Variants in MAP3K4 observed in about 807,000 individuals in gnomAD.
The protein encoded by MAP3K4 is mitogen-activated protein kinase kinase kinase 4.
A neutral mutation model predicts 185.6 loss-of-function variants in MAP3K4; 67 were observed. The observed-to-expected ratio is 0.36, with a 90% CI of 0.30 to 0.44. The LOEUF is 0.44. Among genes scored for constraint, MAP3K4 ranks in the 20% least tolerant of loss-of-function variants. The pLI is 1.00. For synonymous variants in MAP3K4, 702 were observed against 710.4 expected (o/e 0.99, Z 0.19); for missense variants, 1,551 against 1,995.1 (o/e 0.78, Z 4.24).
In MAP3K4 at chr6:161,087,927, G is replaced by A. The variant is rs895308678; in HGVS notation, c.2796G>A (p.Glu932=). The A allele has an allele frequency of 1.2e-6, 2 of 1,613,842 alleles. No individual in the cohort carries two copies. The highest frequency in any genetic ancestry group is 1.3e-5 in the African/African-American group (1 of 75,032). Residue 932 remains glutamate, a synonymous_variant, in exon 10 of 27, where the codon GAG becomes GAA. Transcript: ENST00000392142. This position sits in a 1 kb window ranked among gnomAD's most constrained non-coding sequence, Gnocchi z 4.9. ...AQPVKVVPQV[E]TVDTLRSMQV... ...CTGTCAAAGTCGTGCCTCAGGTGGA[G>A]ACTGTTGACACCCTGAGAAGCATGC...
Position 161,091,192 on chromosome 6 carries a change from T to C in MAP3K4, c.2974-187T>C, listed in dbSNP as rs1437222086. Among the ~76,000 whole-genome samples, 1 of 152,222 alleles carries C rather than the reference T, an allele frequency of 6.6e-6. No individual in the cohort carries two copies. Among genetic ancestry groups the C allele is most frequent in the African/African-American group, 2.4e-5 (1 of 41,462 alleles). On this transcript the variant is annotated intron_variant, in intron 11 of 26. Transcript: ENST00000392142. This position sits in a 1 kb window ranked among gnomAD's most constrained non-coding sequence, Gnocchi z 5.5. ...GTATCATTTTAAATGCATTTTTTTCTCTTCTATTTAAGAATGCCAAATAAA... is the reference window on the plus strand; with the variant it reads ...GTATCATTTTAAATGCATTTTTTTCCCTTCTATTTAAGAATGCCAAATAAA...
rs956202495 is a variant in MAP3K4, at chr6:161,077,847, C to A, written c.2098-3034C>A. ...TTGAAAGCCCTCAGGCTTGACTTTG[C>A]AAACTAAGGGAAAGAGATGGGAAAA... is the stretch of plus-strand genomic sequence containing the variant. On this transcript the variant is annotated intron_variant, in intron 5 of 26. Coordinates refer to ENST00000392142, the MANE Select transcript of MAP3K4 (RefSeq NM_005922.4). This position sits in a 1 kb window ranked among gnomAD's most constrained non-coding sequence, Gnocchi z 4.3. Among the ~76,000 whole-genome samples, 7 of 151,908 alleles carry A rather than the reference C, an allele frequency of 4.6e-5. No individual in the cohort carries two copies. The highest frequency in any genetic ancestry group is 1.7e-4 in the African/African-American group (7 of 41,330).
rs754716151 is a variant in MAP3K4 at position 161,106,671 on chromosome 6, G to A, written c.4014G>A (p.Lys1338=). 19 of 1,611,296 alleles carry A rather than the reference G, an allele frequency of 1.2e-5. No individual in the cohort carries two copies. The highest frequency in any genetic ancestry group is 1.6e-4 in the Middle Eastern group (1 of 6,062). Residue 1338 remains lysine (K), a synonymous_variant, in exon 20 of 27, where the codon AAG becomes AAA. Coordinates refer to ENST00000392142, the MANE Select transcript of MAP3K4 (RefSeq NM_005922.4). The surrounding 1 kb of genome is among the most constrained non-coding windows in gnomAD (Gnocchi z 4.9). ...YDNVMHVGLR[K]VTFKWQRGNK... is the part of the protein sequence containing the mutation. ...ATGTTATGCACGTTGGCTTGAGGAA[G>A]GTGACCTTCAAATGGCAAAGAGGAA...
rs938941548 is a variant in MAP3K4 at position 161,048,558 on chromosome 6, G to A, written c.344-58G>A. On this transcript the variant is annotated intron_variant, in intron 2 of 26. Transcript: ENST00000392142. This position sits in a 1 kb window ranked among gnomAD's most constrained non-coding sequence, Gnocchi z 4.7. ...GAATACCAGTTTTATTGAAAATATTGAGAGTAGCTTCATATTTTAGAGTTA... is the reference window on the plus strand; with the variant it reads ...GAATACCAGTTTTATTGAAAATATTAAGAGTAGCTTCATATTTTAGAGTTA... 8.9e-7 allele frequency: 1 copy of A among 1,123,824 alleles called. No homozygotes were observed. The highest frequency in any genetic ancestry group is 2.6e-5 in the East Asian group (1 of 38,424). The allele number at this position is 1,123,824 out of a possible 1,614,324, so 69.6% of individuals were successfully genotyped here. A position where few individuals can be genotyped will look rare whatever the true frequency, so the allele number is the denominator to read the frequency against.
Position 161,109,095 on chromosome 6 carries a change from C to T in MAP3K4, c.4236+236C>T. 1 of 1,247,796 alleles carries T rather than the reference C, an allele frequency of 8.0e-7. No individual in the cohort carries two copies. The highest frequency in any genetic ancestry group is 1.1e-6 in the Non-Finnish European group (1 of 892,368). The allele number at this position is 1,247,796 out of a possible 1,614,324, so 77.3% of individuals were successfully genotyped here. A position where few individuals can be genotyped will look rare whatever the true frequency, so the allele number is the denominator to read the frequency against. ...GACATCATAAAGCACTGAAACCCAT[C>T]CTGCCATTCAGAAGATTCTTCTAAA... On this transcript the variant is annotated intron_variant, in intron 22 of 26. Transcript: ENST00000392142. This position sits in a 1 kb window ranked among gnomAD's most constrained non-coding sequence, Gnocchi z 5.7.
rs547561295 is a variant in MAP3K4 at position 161,084,462 on chromosome 6, G to A, written c.2256-39G>A. ...AAGAATTAGGCTATGAGTAGGGACAGTTTTCTTCTCTGTTTTATTTTTATT... is the reference window on the plus strand; with the variant it reads ...AAGAATTAGGCTATGAGTAGGGACAATTTTCTTCTCTGTTTTATTTTTATT... On this transcript the variant is annotated intron_variant, in intron 6 of 26. Coordinates refer to ENST00000392142, the MANE Select transcript of MAP3K4 (RefSeq NM_005922.4). This position sits in a 1 kb window ranked among gnomAD's most constrained non-coding sequence, Gnocchi z 4.6. The A allele has an allele frequency of 1.0e-6, 1 of 994,830 alleles. No homozygotes were observed. The highest frequency in any genetic ancestry group is 1.7e-5 in the Admixed American group (1 of 59,142). The allele number at this position is 994,830 out of a possible 1,614,324, so 61.6% of individuals were successfully genotyped here. A position where few individuals can be genotyped will look rare whatever the true frequency, so the allele number is the denominator to read the frequency against.
chr6:161,115,391 A>G lies in MAP3K4; in HGVS notation c.4806+89A>G. On this transcript the variant is annotated intron_variant, in intron 26 of 26. Transcript: ENST00000392142. This position sits in a 1 kb window ranked among gnomAD's most constrained non-coding sequence, Gnocchi z 6.0. ...ACGTTAATGAAATTTTGAAACTTTA[A>G]AGTAGCTATATCTGAAGTGGAAAGG... The G allele has an allele frequency of 7.8e-7, 1 of 1,274,960 alleles. No homozygotes were observed. The highest frequency in any genetic ancestry group is 2.4e-5 in the East Asian group (1 of 41,824). The allele number at this position is 1,274,960 out of a possible 1,614,324, so 79.0% of individuals were successfully genotyped here. A position where few individuals can be genotyped will look rare whatever the true frequency, so the allele number is the denominator to read the frequency against.
rs1783585887 is a variant in MAP3K4, at chr6:161,043,543, G to A, written c.344-5073G>A. On this transcript the variant is annotated intron_variant, in intron 2 of 26. Transcript: ENST00000392142. The surrounding 1 kb of genome is among the most constrained non-coding windows in gnomAD (Gnocchi z 4.3). ...GGACCCCTGTTCTGACATTAACCATGTGTCTAACCATCTGTGTTCTGTGAT... is the reference window on the plus strand; with the variant it reads ...GGACCCCTGTTCTGACATTAACCATATGTCTAACCATCTGTGTTCTGTGAT... 6.6e-6 allele frequency among the ~76,000 whole-genome samples: 1 copy of A among 152,128 alleles called. No individual in the cohort carries two copies. The highest frequency in any genetic ancestry group is 2.4e-5 in the African/African-American group (1 of 41,428).
At chr6:161,105,361 G>T (rs930363155) in intron 19 of MAP3K4, among the ~76,000 whole-genome samples, 6 of 152,212 alleles carry the variant, frequency 3.9e-5, no homozygotes, top group African/African-American at 1.4e-4. Context: ...ATTATTTCAT[G>T]AAATCCTCAC....
chr6:161,082,290 A>G lies in MAP3K4; in HGVS notation c.2255+1252A>G, dbSNP rs957547976. On this transcript the variant is annotated intron_variant, in intron 6 of 26. Coordinates refer to ENST00000392142, the MANE Select transcript of MAP3K4 (RefSeq NM_005922.4). This position sits in a 1 kb window ranked among gnomAD's most constrained non-coding sequence, Gnocchi z 4.2. ...ACTTTTCCATGATTCTGCTTTGCCTAATTCCTTCTGTTTGCATTTTCTGTT... is the reference window on the plus strand; with the variant it reads ...ACTTTTCCATGATTCTGCTTTGCCTGATTCCTTCTGTTTGCATTTTCTGTT... Among the ~76,000 whole-genome samples, 14 of 151,802 alleles carry G rather than the reference A, an allele frequency of 9.2e-5. No homozygotes were observed. Among genetic ancestry groups the G allele is most frequent in the African/African-American group, 3.4e-4 (14 of 41,288 alleles).
chr6:161,098,585 G>T lies in MAP3K4; in HGVS notation c.3674+158G>T, dbSNP rs1429415089. ...CTTCCGCAGGTTGTCACGGCCCAGAGGCTCTGGCACTGACCAACACGAATG... is the reference window on the plus strand; with the variant it reads ...CTTCCGCAGGTTGTCACGGCCCAGATGCTCTGGCACTGACCAACACGAATG... On this transcript the variant is annotated intron_variant, in intron 17 of 26. Transcript: ENST00000392142. This position sits in a 1 kb window ranked among gnomAD's most constrained non-coding sequence, Gnocchi z 4.4. 6.6e-6 allele frequency among the ~76,000 whole-genome samples: 1 copy of T among 152,242 alleles called. No homozygotes were observed. The highest frequency in any genetic ancestry group is 1.5e-5 in the Non-Finnish European group (1 of 68,048).
rs73593245 is a variant in MAP3K4 at position 161,070,564 on chromosome 6, C to T, written c.1708-44C>T. On this transcript the variant is annotated intron_variant, in intron 3 of 26. Coordinates refer to ENST00000392142, the MANE Select transcript of MAP3K4 (RefSeq NM_005922.4). The surrounding 1 kb of genome is among the most constrained non-coding windows in gnomAD (Gnocchi z 4.5). ...TATAACCACAACCGTAGAACGTTGT[C>T]TCGTATGCTCTTTTAATCTGTGCCT... 2,721 of 1,583,806 alleles carry T rather than the reference C, an allele frequency of 1.7e-3. 47 individuals are homozygous for T. In the African/African-American group the frequency reaches 0.034, roughly 20 times the overall value.
Position 161,070,577 on chromosome 6 carries a change from T to C in MAP3K4, c.1708-31T>C, listed in dbSNP as rs1784892924. The C allele has an allele frequency of 1.2e-6, 2 of 1,606,398 alleles. No individual in the cohort carries two copies. The highest frequency in any genetic ancestry group is 1.3e-5 in the African/African-American group (1 of 74,536). ...GTAGAACGTTGTCTCGTATGCTCTT[T>C]TAATCTGTGCCTGTTGAATTTTTGT... On this transcript the variant is annotated intron_variant, in intron 3 of 26. Transcript: ENST00000392142. This position sits in a 1 kb window ranked among gnomAD's most constrained non-coding sequence, Gnocchi z 4.5.
rs1453149455 is a variant in MAP3K4, at chr6:161,093,795, A to C, written c.3371A>C (p.Glu1124Ala). Residue 1124 changes from glutamate to alanine, a missense_variant, in exon 15 of 27, where the codon GAA (glutamate) becomes GCA (alanine). Physicochemically the swap from Glu to Ala is moderately radical, Grantham distance 107. Transcript: ENST00000392142. This position sits in a 1 kb window ranked among gnomAD's most constrained non-coding sequence, Gnocchi z 5.2. ...TAGAGTTTACAAGCCTTGATGAATG[A>C]ATGCATTGGCCATGTCATAGGAAAA... ...DFLSLQALMN[E>A]CIGHVIGKPH... 3.1e-6 allele frequency: 5 copies of C among 1,613,216 alleles called. No individual in the cohort carries two copies. The highest frequency in any genetic ancestry group is 4.2e-6 in the Non-Finnish European group (5 of 1,179,526).
chr6:160,993,355 G>A (rs896708022), intron 1 of MAP3K4, among the ~76,000 whole-genome samples: 1 of 152,090 alleles, frequency 6.6e-6, no homozygotes, highest in Non-Finnish European at 1.5e-5. Flanking sequence ...GAGCAATTTT[G>A]ATACCTTTTT....
intron 1 of MAP3K4, among the ~76,000 whole-genome samples, chr6:161,014,362 C>A (rs1030393763): frequency 2.6e-5 from 4 of 152,092 alleles, no homozygotes; most frequent in Non-Finnish European, 4.4e-5. Context: ...TCCTTATTTC[C>A]CCTTGTTTTA....
chr6:161,059,510 G>A lies in MAP3K4; in HGVS notation c.1707+9531G>A, dbSNP rs528426008. Among the ~76,000 whole-genome samples the A allele has an allele frequency of 1.4e-4, 21 of 152,056 alleles. No homozygotes were observed. In the South Asian group the frequency reaches 2.1e-3, roughly 15 times the overall value. ...TTATTGGCCATTTGCATGTCTTTTC[G>A]TTTGCTTATTTATTTTGCTCATTTT... On this transcript the variant is annotated intron_variant, in intron 3 of 26. Coordinates refer to ENST00000392142, the MANE Select transcript of MAP3K4 (RefSeq NM_005922.4).
chr6:161,084,435 T>A lies in MAP3K4; in HGVS notation c.2256-66T>A, dbSNP rs1186629583. The A allele has an allele frequency of 1.3e-6, 1 of 793,906 alleles. No individual in the cohort carries two copies. Among genetic ancestry groups the A allele is most frequent in the South Asian group, 1.5e-5 (1 of 67,642 alleles). The allele number at this position is 793,906 out of a possible 1,614,324, so 49.2% of individuals were successfully genotyped here. A position where few individuals can be genotyped will look rare whatever the true frequency, so the allele number is the denominator to read the frequency against. ...TAGCTGAGCCTTTCAAGTTTCTCAG[T>A]CAAGAATTAGGCTATGAGTAGGGAC... On this transcript the variant is annotated intron_variant, in intron 6 of 26. Coordinates refer to ENST00000392142, the MANE Select transcript of MAP3K4 (RefSeq NM_005922.4). This position sits in a 1 kb window ranked among gnomAD's most constrained non-coding sequence, Gnocchi z 4.6.
Position 161,043,419 on chromosome 6 carries a change from G to T in MAP3K4, c.344-5197G>T, listed in dbSNP as rs1783577178. ...GACTAGTTAGCCTGTGTAATCTTTT[G>T]TGGTACTCGCTGTCTTAGCCTTTCC... On this transcript the variant is annotated intron_variant, in intron 2 of 26. Transcript: ENST00000392142. This position sits in a 1 kb window ranked among gnomAD's most constrained non-coding sequence, Gnocchi z 4.3. 6.6e-6 allele frequency among the ~76,000 whole-genome samples: 1 copy of T among 152,122 alleles called. No homozygotes were observed. Among genetic ancestry groups the T allele is most frequent in the Admixed American group, 6.5e-5 (1 of 15,270 alleles).
Sources: gnomAD v4.1 joint callset for allele counts (sites outside exome capture counted in the v4.1 genomes callset) on GRCh38, gnomAD v4.1.1 for gene constraint, Gnocchi (gnomAD v3.1) non-coding constraint, MANE v1.5 for transcripts, NCBI Gene and HGNC (gene_info 2026-07-23, HGNC 2026-07-21) for gene names.